Variants in RBFOX1 observed in about 807,000 individuals in gnomAD.
RBFOX1 encodes the protein RNA binding fox-1 homolog 1, also known as RNA binding protein fox-1 homolog 1.
In RBFOX1, 8 loss-of-function variants were observed where a neutral mutation model predicts 57.7. The ratio of observed to expected loss-of-function variants is 0.14; its 90% CI spans 0.08 to 0.25. RBFOX1 has a LOEUF of 0.25. RBFOX1 is among the 10% of genes least tolerant of loss of function. The probability of loss-of-function intolerance (pLI) is 1.00; values close to 1 mark genes in which losing one functional copy is unlikely to be tolerated. For synonymous variants in RBFOX1, 326 were observed against 222.4 expected (o/e 1.47, Z -4.15); for missense variants, 611 against 548.5 (o/e 1.11, Z -1.14).
chr16:6,060,147 T>G (rs1420375550), intron 1 of RBFOX1, among the ~76,000 whole-genome samples: 3 of 79,346 alleles, frequency 3.8e-5, no homozygotes, highest in East Asian at 8.3e-4. Flanking sequence ...TTTTTTTTTT[T>G]TTTTTTTTTT....
intron 3 of RBFOX1, among the ~76,000 whole-genome samples, chr16:5,617,127 C>G (rs2048052725): frequency 6.6e-6 from 1 of 151,640 alleles, no homozygotes; most frequent in African/African-American, 2.4e-5. Context: ...CCGTCCCTCC[C>G]TCCCTCATTC....
intron 2 of RBFOX1, among the ~76,000 whole-genome samples, chr16:6,638,845 A>T (rs1004603263): frequency 6.6e-6 from 1 of 152,232 alleles, no homozygotes; most frequent in Non-Finnish European, 1.5e-5. Flanking sequence ...GCTGTAGACA[A>T]TAAAGGTTGC....
At chr16:7,042,565 C>T (rs1220853947) in intron 3 of RBFOX1, among the ~76,000 whole-genome samples, 1 of 152,204 alleles carries the variant, frequency 6.6e-6, no homozygotes, top group Non-Finnish European at 1.5e-5. Flanking sequence ...CTGTTTAGCA[C>T]ATTTTATGAC....
chr16:6,621,607 T>A (rs974193316), intron 2 of RBFOX1, among the ~76,000 whole-genome samples: 2 of 152,184 alleles, frequency 1.3e-5, no homozygotes, highest in African/African-American at 4.8e-5. Flanking sequence ...TACCAGGGAC[T>A]AGGAAGTGGG....
intron 4 of RBFOX1, among the ~76,000 whole-genome samples, chr16:7,230,432 A>T (rs62017365): frequency 0.27 from 40,382 of 152,004 alleles, 7,018 homozygotes; most frequent in East Asian, 0.68. Context: ...CTGCCTCTAA[A>T]TCCCACAGAT....
At chr16:7,145,228 G>A (rs1280222008) in intron 4 of RBFOX1, among the ~76,000 whole-genome samples, 1 of 151,874 alleles carries the variant, frequency 6.6e-6, no homozygotes, top group Non-Finnish European at 1.5e-5. Flanking sequence ...TTTTTGAGAT[G>A]GAGTCTTGCT....
At chr16:5,663,663 T>C (rs1336984090) in intron 3 of RBFOX1, among the ~76,000 whole-genome samples, 1 of 152,160 alleles carries the variant, frequency 6.6e-6, no homozygotes, top group Non-Finnish European at 1.5e-5. Context: ...CCCTACTTGG[T>C]GTAAGGCACC....
intron 3 of RBFOX1, among the ~76,000 whole-genome samples, chr16:6,745,813 G>C (rs890592611): frequency 3.9e-5 from 6 of 152,124 alleles, no homozygotes; most frequent in Non-Finnish European, 8.8e-5. Flanking sequence ...GAGGTAAAAG[G>C]CATCTGTTTA....
intron 3 of RBFOX1, among the ~76,000 whole-genome samples, chr16:5,685,554 G>A (rs2050479582): frequency 6.6e-6 from 1 of 152,192 alleles, no homozygotes; most frequent in Non-Finnish European, 1.5e-5. Context: ...TGCATTATTA[G>A]CTTTTAAAAT....
At chr16:6,508,491 C>G (rs963458325) in intron 2 of RBFOX1, among the ~76,000 whole-genome samples, 1 of 152,092 alleles carries the variant, frequency 6.6e-6, no homozygotes, top group African/African-American at 2.4e-5. Flanking sequence ...AAACATAATT[C>G]AGCTAATCCC....
chr16:5,567,976 G>A (rs913937454), intron 2 of RBFOX1, among the ~76,000 whole-genome samples: 4 of 152,152 alleles, frequency 2.6e-5, no homozygotes, highest in African/African-American at 9.7e-5. Context: ...AGAACTCAGT[G>A]TCCTCTGAAT....
Position 5,431,547 on chromosome 16 carries a change from G to A in RBFOX1, c.220-35669G>A, listed in dbSNP as rs1017361160. Among the ~76,000 whole-genome samples the A allele has an allele frequency of 2.6e-5, 4 of 152,074 alleles. No individual in the cohort carries two copies. In the East Asian group the frequency reaches 7.7e-4, roughly 29 times the overall value. On this transcript the variant is annotated intron_variant, in intron 1 of 2. Transcript: ENST00000585867. ...CCACCACCATGCCCGGCTAGTTGTTGTATTTTTACTAGAGACGGGGTTTCA... is the reference window on the plus strand; with the variant it reads ...CCACCACCATGCCCGGCTAGTTGTTATATTTTTACTAGAGACGGGGTTTCA...
intron 1 of RBFOX1, chr16:5,260,557 A>C (rs2062708350): frequency 6.6e-6 from 1 of 152,270 alleles, no homozygotes; most frequent in Non-Finnish European, 1.5e-5. Flanking sequence ...AACATCTAAG[A>C]AACCAAAGGT....
intron 2 of RBFOX1, among the ~76,000 whole-genome samples, chr16:6,646,227 C>T (rs906770466): frequency 6.6e-6 from 1 of 152,112 alleles, no homozygotes; most frequent in African/African-American, 2.4e-5. Flanking sequence ...GCAGCGTGAT[C>T]CGAACAATAA....
intron 4 of RBFOX1, among the ~76,000 whole-genome samples, chr16:7,180,078 A>G (rs1338483897): frequency 6.6e-6 from 1 of 152,072 alleles, no homozygotes; most frequent in Non-Finnish European, 1.5e-5. Context: ...TGCTTTTCTC[A>G]GAGAAAATAT....
chr16:6,175,296 G>T (rs1275200998), intron 1 of RBFOX1, among the ~76,000 whole-genome samples: 1 of 152,168 alleles, frequency 6.6e-6, no homozygotes, highest in African/African-American at 2.4e-5. Flanking sequence ...GGAACACATT[G>T]TCCACAAAAG....
intron 2 of RBFOX1, among the ~76,000 whole-genome samples, chr16:6,439,303 C>T (rs1425703428): frequency 2.6e-5 from 4 of 152,172 alleles, no homozygotes; most frequent in African/African-American, 7.2e-5. Context: ...CAAACACCAT[C>T]CACCCATGTT....
chr16:6,828,690 C>G (rs189657379), intron 3 of RBFOX1, among the ~76,000 whole-genome samples: 19 of 152,068 alleles, frequency 1.2e-4, no homozygotes, highest in Admixed American at 1.2e-3. Flanking sequence ...TGTTAACATC[C>G]TAAGTCACTG....
intron 1 of RBFOX1, among the ~76,000 whole-genome samples, chr16:6,075,475 A>G (rs12931716): frequency 0.4 from 61,286 of 152,150 alleles, 13,464 homozygotes; most frequent in Non-Finnish European, 0.51. Flanking sequence ...TCAGAATAAA[A>G]TACTGCTTTA....
Sources: gnomAD v4.1 joint callset for allele counts (sites outside exome capture counted in the v4.1 genomes callset) on GRCh38, gnomAD v4.1.1 for gene constraint, MANE v1.5 for transcripts, NCBI Gene and HGNC (gene_info 2026-07-23, HGNC 2026-07-21) for gene names.